Variants in ACSF2 observed in about 807,000 individuals in gnomAD.
ACSF2 encodes the protein acyl-CoA synthetase family member 2.
A neutral mutation model predicts 79.3 loss-of-function variants in ACSF2; 52 were observed. The observed-to-expected ratio is 0.66, with a 90% CI of 0.53 to 0.83. The LOEUF (loss-of-function observed/expected upper bound fraction) is 0.83. Ranked by LOEUF, ACSF2 falls within the 40% of genes least tolerant of loss-of-function variation. The pLI, the probability that ACSF2 is intolerant of heterozygous loss-of-function variation, is 0.00. For missense variants in ACSF2, 661 were observed against 803.3 expected (o/e 0.82, Z 2.14); for synonymous variants, 283 against 312.6 (o/e 0.91, Z 1.00).
chr17:50,451,806 T>A (rs1425293632), intron 1 of ACSF2, among the ~76,000 whole-genome samples: 1 of 152,184 alleles, frequency 6.6e-6, no homozygotes, highest in Non-Finnish European at 1.5e-5. Flanking sequence ...TACCTCATTG[T>A]GGTTTTAATT....
Position 50,474,031 on chromosome 17 carries a change from A to G in ACSF2, c.1728+27A>G, listed in dbSNP as rs201036198. On this transcript the variant is annotated intron_variant, in intron 14 of 15. Transcript: ENST00000300441. The surrounding 1 kb of genome is among the most constrained non-coding windows in gnomAD (Gnocchi z 4.2). ...TGGGAGCCTCCGCTCAACCTAGCTG[A>G]TGCTGCTCTGTTCTTTGCTCACCCA... The G allele has an allele frequency of 6.0e-4, 928 of 1,539,222 alleles. 4 individuals carry two copies. The African/African-American group carries it at 0.012, about 19-fold the overall frequency.
Position 50,471,274 on chromosome 17 carries a change from T to C in ACSF2, c.1323+139T>C. Reference sequence around the variant, plus strand: ...CTAGAGCCCCCCAGCAGCAGGGGTGTGCTAGGCCTGGCCCGGAGTGTTCTC... The same window carrying C: ...CTAGAGCCCCCCAGCAGCAGGGGTGCGCTAGGCCTGGCCCGGAGTGTTCTC... On this transcript the variant is annotated intron_variant, in intron 11 of 15. Coordinates refer to ENST00000300441, the MANE Select transcript of ACSF2 (RefSeq NM_025149.6). This position sits in a 1 kb window ranked among gnomAD's most constrained non-coding sequence, Gnocchi z 4.1. The C allele has an allele frequency of 1.5e-6, 1 of 682,166 alleles. No homozygotes were observed. Among genetic ancestry groups the C allele is most frequent in the East Asian group, 2.7e-5 (1 of 36,598 alleles). 42.3% of individuals were successfully genotyped at this position (682,166 alleles called of 1,614,324 possible).
intron 1 of ACSF2, among the ~76,000 whole-genome samples, chr17:50,452,264 C>T (rs561710921): frequency 2.0e-5 from 3 of 152,216 alleles, no homozygotes; most frequent in Admixed American, 1.3e-4. Flanking sequence ...GCTGTTTTTC[C>T]TCTAACTCCT....
chr17:50,430,416 C>T (rs968098428), intron 1 of ACSF2, among the ~76,000 whole-genome samples: 2 of 152,140 alleles, frequency 1.3e-5, no homozygotes, highest in African/African-American at 4.8e-5. Flanking sequence ...ACCTGTAATC[C>T]CGGCACTTTG....
Position 50,463,081 on chromosome 17 carries a change from T to C in ACSF2, c.793-75T>C. ...CCCTGTCTCCTGATTCCCGGTCCCG[T>C]GCTCTTCAAGGCAGTGGCCCAGGGT... On this transcript the variant is annotated intron_variant, in intron 6 of 15. Coordinates refer to ENST00000300441, the MANE Select transcript of ACSF2 (RefSeq NM_025149.6). The surrounding 1 kb of genome is among the most constrained non-coding windows in gnomAD (Gnocchi z 4.6). 1 of 1,233,474 alleles carries C rather than the reference T, an allele frequency of 8.1e-7. No individual in the cohort carries two copies. Among genetic ancestry groups the C allele is most frequent in the Non-Finnish European group, 1.2e-6 (1 of 850,118 alleles). The allele number at this position is 1,233,474 out of a possible 1,614,324, so 76.4% of individuals were successfully genotyped here.
chr17:50,473,756 G>A lies in ACSF2; in HGVS notation c.1567G>A (p.Ala523Thr), dbSNP rs767097885. Residue 523 changes from alanine (A) to threonine (T), a missense_variant, in exon 13 of 16, where the codon GCA becomes ACA. Transcript: ENST00000300441. ...IIRGGENIYP[A>T]ELEDFFHTHP... ...CCGGGGTGGTGAGAACATCTACCCC[G>A]CAGAGCTCGAGGACTTCTTTCACAC... The A allele has an allele frequency of 8.1e-6, 13 of 1,614,204 alleles. No individual in the cohort carries two copies. Among genetic ancestry groups the A allele is most frequent in the Middle Eastern group, 3.3e-4 (2 of 6,062 alleles).
At chr17:50,442,702 C>T (rs946712470) in intron 1 of ACSF2, among the ~76,000 whole-genome samples, 1 of 152,062 alleles carries the variant, frequency 6.6e-6, no homozygotes, top group Non-Finnish European at 1.5e-5. Context: ...TGAATTCAAG[C>T]GATTTTCCTG....
At chr17:50,439,056 A>G (rs1041721872) in intron 1 of ACSF2, among the ~76,000 whole-genome samples, 5 of 151,870 alleles carry the variant, frequency 3.3e-5, no homozygotes, top group Admixed American at 2.0e-4. Context: ...GTATCAATAA[A>G]CAATACATAT....
chr17:50,434,449 G>C (rs1011168369), intron 1 of ACSF2, among the ~76,000 whole-genome samples: 5 of 152,140 alleles, frequency 3.3e-5, no homozygotes, highest in Non-Finnish European at 5.9e-5. Context: ...CACTTTGGGA[G>C]GCTGAGGCAG....
chr17:50,465,625 T>C (rs2032654010), intron 10 of ACSF2: 1 of 1,544,760 alleles, frequency 6.5e-7, no homozygotes, highest in African/African-American at 1.4e-5. Flanking sequence ...CTAGGATGCA[T>C]GTCCAACATG....
chr17:50,472,418 C>T lies in ACSF2; in HGVS notation c.1324-10C>T, dbSNP rs745551033. On this transcript the variant is annotated splice_polypyrimidine_tract_variant and intron_variant, in intron 11 of 15. Coordinates refer to ENST00000300441, the MANE Select transcript of ACSF2 (RefSeq NM_025149.6). ...ATAGGAAGCCCCAACCTGAGGCCAT[C>T]CTGTCCCAGGCCCGGATCATGAACA... 14 of 1,609,272 alleles carry T rather than the reference C, an allele frequency of 8.7e-6. No homozygotes were observed. Among genetic ancestry groups the T allele is most frequent in the African/African-American group, 1.3e-5 (1 of 74,674 alleles).
intron 1 of ACSF2, among the ~76,000 whole-genome samples, chr17:50,435,358 C>CT (rs11436627): frequency 0.24 from 36,669 of 151,654 alleles, 4,941 homozygotes; most frequent in Non-Finnish European, 0.31. Flanking sequence ...CACTTTGTAG[C>CT]TTTTTTTCAT....
intron 1 of ACSF2, chr17:50,427,089 G>C: frequency 4.3e-6 from 5 of 1,176,002 alleles, no homozygotes; most frequent in Non-Finnish European, 6.0e-6. Context: ...ATGTTATCAG[G>C]GCTGTTAGCT....
chr17:50,454,304 A>C (rs1016626550), intron 1 of ACSF2, among the ~76,000 whole-genome samples: 10 of 151,038 alleles, frequency 6.6e-5, no homozygotes, highest in African/African-American at 2.4e-4. Flanking sequence ...GAGCCACCGT[A>C]CCTGGCCTGA....
chr17:50,465,509 T>C lies in ACSF2; in HGVS notation c.1215+1215T>C, dbSNP rs528484022. 190 of 1,577,914 alleles carry C rather than the reference T, an allele frequency of 1.2e-4. No individual in the cohort carries two copies. The African/African-American group carries it at 2.4e-3, about 20-fold the overall frequency. ...TGCTGGGGGGAAGGGCAGTGAACTATGGGGCCAGGATTGACTTGGCCACAG... is the reference window on the plus strand; with the variant it reads ...TGCTGGGGGGAAGGGCAGTGAACTACGGGGCCAGGATTGACTTGGCCACAG... On this transcript the variant is annotated intron_variant, in intron 10 of 15. Transcript: ENST00000300441.
intron 1 of ACSF2, among the ~76,000 whole-genome samples, chr17:50,447,190 C>T (rs984649820): frequency 6.6e-6 from 1 of 152,110 alleles, no homozygotes; most frequent in Non-Finnish European, 1.5e-5. Context: ...TGTTTTCTGT[C>T]TCTATAGAAT....
Position 50,471,421 on chromosome 17 carries a change from A to G in ACSF2, c.1323+286A>G. ...TTTTGCCAAGCCCACTGTCTGTTTCAGGGCAGCCAGGGTAGCCTCAAAGAG... is the reference window on the plus strand; with the variant it reads ...TTTTGCCAAGCCCACTGTCTGTTTCGGGGCAGCCAGGGTAGCCTCAAAGAG... On this transcript the variant is annotated intron_variant, in intron 11 of 15. Coordinates refer to ENST00000300441, the MANE Select transcript of ACSF2 (RefSeq NM_025149.6). This position sits in a 1 kb window ranked among gnomAD's most constrained non-coding sequence, Gnocchi z 4.1. 2.3e-6 allele frequency: 1 copy of G among 436,012 alleles called. No individual in the cohort carries two copies. Among genetic ancestry groups the G allele is most frequent in the South Asian group, 2.5e-5 (1 of 40,016 alleles). 27.0% of individuals were successfully genotyped at this position (436,012 alleles called of 1,614,324 possible).
At chr17:50,456,252 T>C (rs1419446122) in intron 1 of ACSF2, among the ~76,000 whole-genome samples, 2 of 152,158 alleles carry the variant, frequency 1.3e-5, no homozygotes, top group Non-Finnish European at 2.9e-5. Flanking sequence ...CTTCCTGTCC[T>C]TCATGGAGGA....
At position 50,474,511 on chromosome 17, in the gene ACSF2, T is replaced by C; in HGVS notation, c.1807T>C (p.Phe603Leu). The change falls in exon 16 of 16, where the codon TTC becomes CTC. Residue 603 changes from phenylalanine (F) to leucine (L), a missense_variant. Physicochemically the swap from Phe to Leu is conservative, Grantham distance 22 (BLOSUM62 0). Coordinates refer to ENST00000300441, the MANE Select transcript of ACSF2 (RefSeq NM_025149.6). This position sits in a 1 kb window ranked among gnomAD's most constrained non-coding sequence, Gnocchi z 4.2. ...ATTTTCTTTCCTCTAGATCCAGAAA[T>C]TCAAACTTCGAGAGCAGATGGAACG... is the stretch of plus-strand genomic sequence containing the variant. ...PLTISGKIQKFKLREQMERHL... is the reference protein window; with the variant it reads ...PLTISGKIQKLKLREQMERHL... 6.2e-7 allele frequency: 1 copy of C among 1,614,192 alleles called. No homozygotes were observed. Among genetic ancestry groups the C allele is most frequent in the Non-Finnish European group, 8.5e-7 (1 of 1,180,028 alleles).
Sources: gnomAD v4.1 joint callset for allele counts (sites outside exome capture counted in the v4.1 genomes callset) on GRCh38, gnomAD v4.1.1 for gene constraint, Gnocchi (gnomAD v3.1) non-coding constraint, MANE v1.5 for transcripts, NCBI Gene and HGNC (gene_info 2026-07-23, HGNC 2026-07-21) for gene names.